Variants in KCNIP4 observed in about 807,000 individuals in gnomAD.
The protein encoded by KCNIP4 is potassium voltage-gated channel interacting protein 4.
KCNIP4 carries 12 observed loss-of-function variants against 34.0 expected under a neutral mutation model. The observed-to-expected ratio is 0.35, with a 90% CI of 0.23 to 0.57. The LOEUF (loss-of-function observed/expected upper bound fraction) is 0.57, where lower values mean the gene tolerates loss of function less well. Ranked by LOEUF, KCNIP4 falls within the 20% of genes least tolerant of loss-of-function variation. The pLI is 0.83. For synonymous variants in KCNIP4, 124 were observed against 102.2 expected (o/e 1.21, Z -1.29); for missense variants, 238 against 311.7 (o/e 0.76, Z 1.78).
At chr4:21,830,224 G>A (rs1161909015) in intron 1 of KCNIP4, among the ~76,000 whole-genome samples, 1 of 151,992 alleles carries the variant, frequency 6.6e-6, no homozygotes, top group Admixed American at 6.6e-5. Context: ...ACTTTAAGTC[G>A]AAAACTGTAA....
At chr4:20,830,651 G>A (rs1452314097) in intron 3 of KCNIP4, among the ~76,000 whole-genome samples, 3 of 152,116 alleles carry the variant, frequency 2.0e-5, no homozygotes, top group African/African-American at 7.2e-5. Context: ...TACACTAGAT[G>A]GCCCAGAGTC....
At chr4:21,234,499 TA>T (rs1192241562) in intron 1 of KCNIP4, among the ~76,000 whole-genome samples, 3 of 123,742 alleles carry the variant, frequency 2.4e-5, no homozygotes, top group African/African-American at 1.1e-4. Flanking sequence ...ATATAATATA[TA>T]TTACATATAA....
chr4:21,646,864 CATT>C (rs1417810592), intron 1 of KCNIP4, among the ~76,000 whole-genome samples: 2 of 152,112 alleles, frequency 1.3e-5, no homozygotes, highest in East Asian at 3.9e-4. Context: ...ATCAGGGAGT[CATT>C]ATTTAGAAGG....
intron 1 of KCNIP4, among the ~76,000 whole-genome samples, chr4:21,084,325 AG>A (rs1199021141): frequency 6.6e-6 from 1 of 152,024 alleles, no homozygotes; most frequent in Non-Finnish European, 1.5e-5. Flanking sequence ...TAGTCATCAA[AG>A]GTGAATTGAT....
chr4:21,568,231 A>ATTTGAAAATAAGATC (rs1740072479), intron 1 of KCNIP4, among the ~76,000 whole-genome samples: 1 of 152,134 alleles, frequency 6.6e-6, no homozygotes, highest in South Asian at 2.1e-4. Context: ...ATGTCACCTT[A>ATTTGAAAATAAGATC]TTTGAAAATA....
chr4:21,314,879 C>G (rs1008860127), intron 1 of KCNIP4, among the ~76,000 whole-genome samples: 1 of 152,126 alleles, frequency 6.6e-6, no homozygotes, highest in Non-Finnish European at 1.5e-5. Flanking sequence ...GCTTGGGGCT[C>G]CATTTCTTTT....
intron 3 of KCNIP4, among the ~76,000 whole-genome samples, chr4:20,792,107 C>G (rs1353590028): frequency 6.6e-6 from 1 of 152,234 alleles, no homozygotes; most frequent in African/African-American, 2.4e-5. Context: ...GGTGCAATGG[C>G]TCACGCCTAT....
chr4:21,816,953 GT>G (rs1722026001), intron 1 of KCNIP4, among the ~76,000 whole-genome samples: 1 of 152,144 alleles, frequency 6.6e-6, no homozygotes, highest in Admixed American at 6.5e-5. Flanking sequence ...TTTAAAAGCT[GT>G]TGTGAGAATT....
intron 1 of KCNIP4, among the ~76,000 whole-genome samples, chr4:21,077,583 C>G (rs1238694308): frequency 6.6e-6 from 1 of 152,072 alleles, no homozygotes; most frequent in Non-Finnish European, 1.5e-5. Flanking sequence ...TACTTACTAG[C>G]TATGTGACTC....
At chr4:21,517,106 C>T (rs930401618) in intron 1 of KCNIP4, among the ~76,000 whole-genome samples, 1 of 152,176 alleles carries the variant, frequency 6.6e-6, no homozygotes, top group Middle Eastern at 3.4e-3. Flanking sequence ...AATGGAAATT[C>T]TAAGGCTTCA....
At chr4:20,797,370 C>G (rs1713614501) in intron 3 of KCNIP4, among the ~76,000 whole-genome samples, 3 of 152,128 alleles carry the variant, frequency 2.0e-5, no homozygotes, top group Non-Finnish European at 4.4e-5. Flanking sequence ...ATAGTACACC[C>G]TTGAGTCTAC....
rs534973302 is a variant in KCNIP4 at position 20,826,617 on chromosome 4, CAAAA to C, written c.288+23922_288+23925del. Among the ~76,000 whole-genome samples, 658 of 151,608 alleles carry C rather than the reference CAAAA, an allele frequency of 4.3e-3. 2 individuals carry two copies. Among genetic ancestry groups the C allele is most frequent in the African/African-American group, 0.015 (625 of 41,284 alleles). ...ACAAACAAACAAACAAACAAACAAA[CAAAA>C]ATACAAAAGAGAGAGTGATGGCTAA... is the stretch of plus-strand genomic sequence containing the variant. On this transcript the variant is annotated intron_variant, in intron 3 of 8. Transcript: ENST00000382152.
chr4:21,151,236 G>A (rs531884125), intron 1 of KCNIP4, among the ~76,000 whole-genome samples: 2 of 151,840 alleles, frequency 1.3e-5, no homozygotes, highest in African/African-American at 2.4e-5. Context: ...ATCATCAATC[G>A]AGTCCTAAGT....
chr4:20,743,086 A>G (rs1202917913), intron 5 of KCNIP4, among the ~76,000 whole-genome samples: 1 of 144,318 alleles, frequency 6.9e-6, no homozygotes, highest in Admixed American at 6.8e-5. Context: ...CCCTTATGTG[A>G]ACTACGAACC....
At chr4:20,980,992 C>T (rs1736011425) in intron 1 of KCNIP4, among the ~76,000 whole-genome samples, 1 of 152,126 alleles carries the variant, frequency 6.6e-6, no homozygotes, top group Non-Finnish European at 1.5e-5. Context: ...ACTTTAGCTG[C>T]CTTTTTTTCT....
At chr4:21,900,958 A>G (rs1318128090) in intron 1 of KCNIP4, among the ~76,000 whole-genome samples, 1 of 152,190 alleles carries the variant, frequency 6.6e-6, no homozygotes, top group African/African-American at 2.4e-5. Context: ...TTCTGTTATA[A>G]TAAATACTGT....
chr4:21,345,215 A>G (rs1163421701), intron 1 of KCNIP4, among the ~76,000 whole-genome samples: 1 of 152,006 alleles, frequency 6.6e-6, no homozygotes, highest in East Asian at 1.9e-4. Flanking sequence ...GCATGAGGAT[A>G]CTCCAGCAGC....
chr4:21,121,302 G>A (rs1193642486), intron 1 of KCNIP4, among the ~76,000 whole-genome samples: 2 of 152,196 alleles, frequency 1.3e-5, no homozygotes, highest in African/African-American at 4.8e-5. Flanking sequence ...TTTACACTTA[G>A]AAATTGCAGA....
intron 1 of KCNIP4, among the ~76,000 whole-genome samples, chr4:21,922,482 G>A (rs1324545232): frequency 6.6e-6 from 1 of 152,146 alleles, no homozygotes; most frequent in African/African-American, 2.4e-5. Flanking sequence ...CTTAGGAAAA[G>A]TATTTTCTTT....
Sources: allele counts gnomAD v4.1 joint callset (sites outside exome capture counted in the v4.1 genomes callset), GRCh38; gene constraint gnomAD v4.1.1; transcripts MANE v1.5; gene names NCBI Gene and HGNC (gene_info 2026-07-23, HGNC 2026-07-21).